The following CFAP54 variants were observed in gnomAD, a reference collection of about 807,000 sequenced individuals.
CFAP54 encodes the protein cilia- and flagella-associated protein 54.
Under a neutral mutation model 370.4 loss-of-function variants are expected in CFAP54, and 290 were observed. The observed-to-expected ratio is 0.78, with a 90% CI of 0.71 to 0.86. The LOEUF is 0.86. Ranked by LOEUF, CFAP54 falls within the 40% of genes least tolerant of loss-of-function variation. The pLI, the probability that CFAP54 is intolerant of heterozygous loss-of-function variation, is 0.00. For synonymous variants in CFAP54, 1,206 were observed against 1,236.5 expected (o/e 0.98, Z 0.52); for missense variants, 3,399 against 3,528.7 (o/e 0.96, Z 0.93).
intron 17 of CFAP54, among the ~76,000 whole-genome samples, chr12:96,562,223 G>A (rs1283760422): frequency 6.6e-6 from 1 of 151,818 alleles, no homozygotes; most frequent in Admixed American, 6.6e-5. Flanking sequence ...GTTTTATCCT[G>A]GCAAATTAAC....
At chr12:96,806,354 A>G (rs900229941) in intron 63 of CFAP54, among the ~76,000 whole-genome samples, 1 of 150,992 alleles carries the variant, frequency 6.6e-6, no homozygotes, top group African/African-American at 2.4e-5. Context: ...AGTCTGAGCA[A>G]GCACGGCATT....
At chr12:96,660,520 A>G (rs773880373) in intron 38 of CFAP54, among the ~76,000 whole-genome samples, 2 of 152,094 alleles carry the variant, frequency 1.3e-5, no homozygotes, top group African/African-American at 4.8e-5. Flanking sequence ...CTAACTGCCT[A>G]TATCAGCCAA....
chr12:96,547,656 C>A (rs1050895971), intron 14 of CFAP54, among the ~76,000 whole-genome samples: 2 of 152,056 alleles, frequency 1.3e-5, no homozygotes, highest in African/African-American at 2.4e-5. Flanking sequence ...AGTGTTGAAT[C>A]ATTTCTGAGA....
At chr12:96,803,399 T>A (rs1958843460) in intron 63 of CFAP54, among the ~76,000 whole-genome samples, 1 of 152,106 alleles carries the variant, frequency 6.6e-6, no homozygotes, top group African/African-American at 2.4e-5. Flanking sequence ...TGCTACTAAC[T>A]TCTAAGCAAG....
intron 39 of CFAP54, among the ~76,000 whole-genome samples, chr12:96,664,795 A>C (rs113076403): frequency 0.062 from 1,085 of 17,374 alleles, 35 homozygotes; most frequent in Non-Finnish European, 0.12. Flanking sequence ...ATATATATAT[A>C]TATATATATA....
intron 9 of CFAP54, among the ~76,000 whole-genome samples, chr12:96,533,500 C>G (rs989216025): frequency 6.6e-6 from 1 of 152,142 alleles, no homozygotes; most frequent in Non-Finnish European, 1.5e-5. Context: ...AAGTTTCCAA[C>G]CTGTATCTAG....
At chr12:96,634,389 A>G (rs1956642998) in intron 32 of CFAP54, among the ~76,000 whole-genome samples, 1 of 151,916 alleles carries the variant, frequency 6.6e-6, no homozygotes, top group Non-Finnish European at 1.5e-5. Context: ...CCATCTGTAT[A>G]TCCTCTTTAG....
At chr12:96,606,353 A>T (rs936497929) in intron 26 of CFAP54, among the ~76,000 whole-genome samples, 1 of 152,224 alleles carries the variant, frequency 6.6e-6, no homozygotes, top group African/African-American at 2.4e-5. Context: ...ATGGATTCCC[A>T]ACCTGTTGAC....
At chr12:96,774,148 T>A (rs1958491529) in intron 60 of CFAP54, among the ~76,000 whole-genome samples, 1 of 152,134 alleles carries the variant, frequency 6.6e-6, no homozygotes, top group Non-Finnish European at 1.5e-5. Context: ...TCTTTCCCGA[T>A]TAAAAAAAAA....
At chr12:96,638,723 G>A (rs1956690474) in intron 32 of CFAP54, among the ~76,000 whole-genome samples, 1 of 152,116 alleles carries the variant, frequency 6.6e-6, no homozygotes, top group African/African-American at 2.4e-5. Flanking sequence ...TTGATGGTAT[G>A]TAGAAATAGA....
intron 5 of CFAP54, 45 bp from the exon 6 acceptor site, chr12:96,518,877 CATTATT>C (rs1244247557): frequency 6.8e-7 from 1 of 1,463,198 alleles, no homozygotes; most frequent in African/African-American, 1.4e-5. Flanking sequence ...ATACAATTAT[CATTATT>C]AACTTCAAAT....
At chr12:96,588,267 A>G (rs147581359) in intron 22 of CFAP54, among the ~76,000 whole-genome samples, 1 of 151,790 alleles carries the variant, frequency 6.6e-6, no homozygotes, top group African/African-American at 2.4e-5. Context: ...CCATTACTGG[A>G]CCTTTTGGAG....
intron 1 of CFAP54, among the ~76,000 whole-genome samples, chr12:96,494,617 ATAT>A (rs1425520833): frequency 1.3e-5 from 2 of 151,918 alleles, no homozygotes; most frequent in Non-Finnish European, 2.9e-5. Flanking sequence ...TTGTTTTAAG[ATAT>A]TATTCTGATG....
intron 39 of CFAP54, among the ~76,000 whole-genome samples, chr12:96,664,753 ATCTATATATATCTATATCTATATC>A (rs1339042232): frequency 0.034 from 785 of 23,348 alleles, 40 homozygotes; most frequent in African/African-American, 0.12. Context: ...ATATATATAT[ATCTATATATATCTATATCTATATC>A]TATATATATA....
chr12:96,619,537 A>G (rs1956462077), intron 26 of CFAP54, among the ~76,000 whole-genome samples: 1 of 152,152 alleles, frequency 6.6e-6, no homozygotes. Flanking sequence ...TTACTTTTGC[A>G]TGATTTAAAA....
rs1322071651 is a variant in CFAP54, at chr12:96,498,715, G to T, written c.318-2119G>T. Among the ~76,000 whole-genome samples the T allele has an allele frequency of 2.0e-5, 3 of 152,224 alleles. No homozygotes were observed. In the East Asian group the frequency reaches 5.8e-4, roughly 29 times the overall value. ...TAGGAGAGAATCTAGGTGACCTTGG[G>T]TTTGGTGATGAGTTTGAATATACAT... On this transcript the variant is annotated intron_variant, in intron 1 of 67. Coordinates refer to ENST00000524981, the MANE Select transcript of CFAP54 (RefSeq NM_001306084.2).
At chr12:96,752,320 C>T (rs916888831) in intron 55 of CFAP54, among the ~76,000 whole-genome samples, 1 of 152,072 alleles carries the variant, frequency 6.6e-6, no homozygotes, top group Non-Finnish European at 1.5e-5. Flanking sequence ...CATTTAGTAG[C>T]CAAGAAATGT....
chr12:96,814,959 G>A (rs1394629251), intron 64 of CFAP54, among the ~76,000 whole-genome samples: 1 of 152,106 alleles, frequency 6.6e-6, no homozygotes, highest in Non-Finnish European at 1.5e-5. Context: ...TATCATTGAT[G>A]GGCATTTGGG....
chr12:96,659,978 G>A (rs1956973934), intron 38 of CFAP54, among the ~76,000 whole-genome samples: 1 of 152,224 alleles, frequency 6.6e-6, no homozygotes, highest in African/African-American at 2.4e-5. Context: ...ATTTCAGAGG[G>A]TTGGAAATAG....
Sources: gnomAD v4.1 joint callset for allele counts (sites outside exome capture counted in the v4.1 genomes callset) on GRCh38, gnomAD v4.1.1 for gene constraint, MANE v1.5 for transcripts, NCBI Gene and HGNC (gene_info 2026-07-23, HGNC 2026-07-21) for gene names.